The following TMC2 variants were observed in gnomAD, a reference collection of about 807,000 sequenced individuals.
The protein encoded by TMC2 is transmembrane channel-like protein 2.
A neutral mutation model predicts 105.9 loss-of-function variants in TMC2; 102 were observed. The observed-to-expected ratio is 0.96, with a 90% CI of 0.82 to 1.14. The LOEUF (loss-of-function observed/expected upper bound fraction) is 1.14, where lower values mean the gene tolerates loss of function less well. Ranked by LOEUF, TMC2 falls within the 50% of genes most tolerant of loss-of-function variation. The pLI, the probability that TMC2 is intolerant of heterozygous loss-of-function variation, is 0.00. For synonymous variants in TMC2, 402 were observed against 422.8 expected, an observed-to-expected ratio of 0.95 and a Z score of 0.60; for missense variants, 1,093 against 1,134.3, an observed-to-expected ratio of 0.96 and a Z score of 0.52.
chr20:2,607,625 T>C (rs2086403511), intron 11 of TMC2, among the ~76,000 whole-genome samples: 1 of 152,224 alleles, frequency 6.6e-6, no homozygotes, highest in African/African-American at 2.4e-5. Flanking sequence ...CTCAGATTCA[T>C]TGGATACCCC....
rs868407782 is a variant in TMC2, at chr20:2,642,878, C to T, written c.*1527C>T. 6.6e-6 allele frequency among the ~76,000 whole-genome samples: 1 copy of T among 152,208 alleles called. No homozygotes were observed. The highest frequency in any genetic ancestry group is 3.4e-3 in the Middle Eastern group (1 of 294). ...ACCTCATCAACTGTTACAGCCACCA[C>T]CCAACCAGGCCCCCAGGGGTTCTCA... is the stretch of plus-strand genomic sequence containing the variant. On this transcript the variant is annotated 3_prime_UTR_variant, in exon 20 of 20. Transcript: ENST00000358864.
rs533508695 is a variant in TMC2, at chr20:2,542,999, G to A, written c.82+5683G>A. On this transcript the variant is annotated intron_variant, in intron 2 of 19. Coordinates refer to ENST00000358864, the MANE Select transcript of TMC2 (RefSeq NM_080751.3). ...CACCTGTAATCCCAGCACTTTGGGA[G>A]GCCAAGGTGGGCGAATCACTTGAGG... is the stretch of plus-strand genomic sequence containing the variant. 1.4e-4 allele frequency among the ~76,000 whole-genome samples: 22 copies of A among 152,244 alleles called. No homozygotes were observed. In the East Asian group the frequency reaches 3.1e-3, roughly 21 times the overall value.
intron 16 of TMC2, 145 bp from the exon 17 acceptor site, chr20:2,624,126 C>T: frequency 1.1e-6 from 1 of 889,688 alleles, no homozygotes. Flanking sequence ...TTTTTACTTG[C>T]AGTTCATTTG....
intron 19 of TMC2, 81 bp from the exon 20 acceptor site, chr20:2,641,053 C>G (rs373875887): frequency 2.4e-6 from 3 of 1,248,510 alleles, no homozygotes; most frequent in Non-Finnish European, 2.3e-6. Flanking sequence ...CTACACACAC[C>G]GCAGGGCGAC....
In TMC2 at chr20:2,597,192, G is replaced by A. The variant is rs755195748; in HGVS notation, c.1118G>A (p.Ser373Asn). 3.3e-5 allele frequency: 54 copies of A among 1,614,026 alleles called. No individual in the cohort carries two copies. Among genetic ancestry groups the A allele is most frequent in the Non-Finnish European group, 4.6e-5 (54 of 1,179,994 alleles). The change falls in exon 10 of 20, where the codon AGT becomes AAT. Residue 373 changes from serine (S) to asparagine (N), a missense_variant. Ser to Asn is a conservative substitution (Grantham distance 46). Coordinates refer to ENST00000358864, the MANE Select transcript of TMC2 (RefSeq NM_080751.3). ...NTQGSTGEGE[S>N]DNFTFSFKMF... The stretch of plus-strand genomic sequence containing the variant: ...CAAGGAAGCACAGGCGAAGGGGAGA[G>A]TGACAACTTCACATTCAGCTTCAAG...
intron 19 of TMC2, among the ~76,000 whole-genome samples, chr20:2,639,551 G>A (rs944602579): frequency 3.3e-5 from 5 of 152,214 alleles, no homozygotes; most frequent in African/African-American, 1.2e-4. Context: ...CTAGGTTTGG[G>A]TAAGTACATT....
intron 2 of TMC2, among the ~76,000 whole-genome samples, chr20:2,553,548 T>C (rs2085969126): frequency 1.3e-5 from 1 of 78,852 alleles, no homozygotes; most frequent in South Asian, 4.2e-4. Context: ...TGTTTTTGTC[T>C]GGTTTTTGTG....
In TMC2 at chr20:2,610,389, G is replaced by T; in HGVS notation, c.1414-30G>T. ...GCAGCCAAACAAGTATAATGTTGAT[G>T]ACACAACGTAGGCTTTCCTGATTCC... On this transcript the variant is annotated intron_variant, in intron 11 of 19. Coordinates refer to ENST00000358864, the MANE Select transcript of TMC2 (RefSeq NM_080751.3). 1.9e-6 allele frequency: 3 copies of T among 1,587,740 alleles called. No homozygotes were observed. The South Asian group carries it at 3.4e-5, about 18-fold the overall frequency.
Position 2,536,660 on chromosome 20 carries a change from G to A in TMC2, c.34+5G>A. 1 of 1,572,936 alleles carries A rather than the reference G, an allele frequency of 6.4e-7. No homozygotes were observed. The highest frequency in any genetic ancestry group is 8.6e-7 in the Non-Finnish European group (1 of 1,159,022). ...TAAAGGGCCTGAAAGAGGAAGGTGA[G>A]TCCACGTCCTGATCCTGCGGGGCCC... On this transcript the variant is annotated splice_donor_5th_base_variant and intron_variant, in intron 1 of 19. Transcript: ENST00000358864.
Position 2,635,998 on chromosome 20 carries a change from C to A in TMC2, c.2379C>A (p.Ile793=). 6.2e-7 allele frequency: 1 copy of A among 1,613,792 alleles called. No individual in the cohort carries two copies. The highest frequency in any genetic ancestry group is 1.3e-5 in the African/African-American group (1 of 75,036). The part of the protein sequence containing the change: ...SRANAQLRKK[I]QVLREVEKSH... The stretch of plus-strand genomic sequence containing the variant: ...CTAATGCCCAGCTGAGGAAGAAAAT[C>A]CAAGTGGTGAGTCTGTTGGGAGTTT... Residue 793 remains isoleucine, a synonymous_variant, in exon 18 of 20, where the codon ATC becomes ATA. Transcript: ENST00000358864.
At chr20:2,561,226 A>T (rs980155467) in intron 3 of TMC2, among the ~76,000 whole-genome samples, 2 of 152,252 alleles carry the variant, frequency 1.3e-5, no homozygotes, top group African/African-American at 4.8e-5. Context: ...TACAAATATC[A>T]AAGGAAAACC....
At chr20:2,556,078 AT>A (rs1417660918) in intron 2 of TMC2, among the ~76,000 whole-genome samples, 4 of 152,016 alleles carry the variant, frequency 2.6e-5, no homozygotes, top group African/African-American at 7.2e-5. Context: ...GAAGGATTTT[AT>A]TTTTTATTTT....
chr20:2,641,591 A>C lies in TMC2; in HGVS notation c.*240A>C. The C allele has an allele frequency of 5.1e-5, 25 of 488,444 alleles. No homozygotes were observed. The highest frequency in any genetic ancestry group is 6.0e-5 in the Non-Finnish European group (16 of 268,794). 30.3% of individuals were successfully genotyped at this position (488,444 alleles called of 1,614,324 possible). On this transcript the variant is annotated 3_prime_UTR_variant, in exon 20 of 20. Transcript: ENST00000358864. ...CTCTGCACTAACTGCCCTCCCAAATATCTTGGTTCAGACAGCTCTGAACCC... is the reference window on the plus strand; with the variant it reads ...CTCTGCACTAACTGCCCTCCCAAATCTCTTGGTTCAGACAGCTCTGAACCC...
At chr20:2,620,509 G>A (rs966079050) in intron 16 of TMC2, among the ~76,000 whole-genome samples, 1 of 152,218 alleles carries the variant, frequency 6.6e-6, no homozygotes, top group Non-Finnish European at 1.5e-5. Flanking sequence ...AAAAGATCAT[G>A]TGGGACTCTC....
intron 2 of TMC2, 75 bp downstream of exon 2, chr20:2,537,391 AC>A: frequency 8.3e-7 from 1 of 1,200,610 alleles, no homozygotes. Context: ...CAGTCCAGCC[AC>A]CCATCCAACA....
chr20:2,636,507 A>C (rs527680587), intron 18 of TMC2, among the ~76,000 whole-genome samples: 2 of 123,704 alleles, frequency 1.6e-5, no homozygotes, highest in East Asian at 2.4e-4. Flanking sequence ...CACACCCTAA[A>C]ATTCAGACCC....
At chr20:2,608,300 T>TTATTA (rs2086408650) in intron 11 of TMC2, among the ~76,000 whole-genome samples, 1 of 134,602 alleles carries the variant, frequency 7.4e-6, no homozygotes, top group Non-Finnish European at 1.6e-5. Context: ...CTTATTTTTA[T>TTATTA]TTATTATTAT....
At chr20:2,556,148 G>A (rs1011737320) in intron 2 of TMC2, among the ~76,000 whole-genome samples, 6 of 152,048 alleles carry the variant, frequency 3.9e-5, no homozygotes, top group Non-Finnish European at 8.8e-5. Context: ...GAGTGCAGTG[G>A]TGCGATCTCG....
At chr20:2,575,233 A>G (rs1260701138) in intron 5 of TMC2, among the ~76,000 whole-genome samples, 1 of 152,226 alleles carries the variant, frequency 6.6e-6, no homozygotes, top group African/African-American at 2.4e-5. Flanking sequence ...ATGCTTCAAC[A>G]AACACCTTTT....
Sources: allele counts gnomAD v4.1 joint callset (sites outside exome capture counted in the v4.1 genomes callset), GRCh38; gene constraint gnomAD v4.1.1; transcripts MANE v1.5; gene names NCBI Gene and HGNC (gene_info 2026-07-23, HGNC 2026-07-21).